Variants in UGT2A1 observed in about 807,000 individuals in gnomAD.
The protein encoded by UGT2A1 is UDP glucuronosyltransferase family 2 member A1 complex locus, also known as UDP-glucuronosyltransferase 2A1.
In UGT2A1, 61 loss-of-function variants were observed where a neutral mutation model predicts 45.4. The observed-to-expected ratio is 1.34, with a 90% CI of 1.09 to 1.66. The LOEUF is 1.66. Ranked by LOEUF, UGT2A1 falls within the 40% of genes most tolerant of loss-of-function variation. UGT2A1 has a pLI of 0.00. For missense variants in UGT2A1, 649 were observed against 574.3 expected, an observed-to-expected ratio of 1.13 and a Z score of -1.33; for synonymous variants, 229 against 196.2, an observed-to-expected ratio of 1.17 and a Z score of -1.40.
intron 2 of UGT2A1, chr4:69,639,776 A>C: frequency 1.2e-6 from 1 of 853,794 alleles, no homozygotes; most frequent in Non-Finnish European, 1.7e-6. Flanking sequence ...GGTAAATAAT[A>C]TAATTCAAAT....
At chr4:69,640,000 T>C (rs1164060638) in intron 2 of UGT2A1, among the ~76,000 whole-genome samples, 2 of 152,024 alleles carry the variant, frequency 1.3e-5, no homozygotes, top group African/African-American at 4.8e-5. Flanking sequence ...TTAGATTATA[T>C]GGATTATAGG....
intron 3 of UGT2A1, among the ~76,000 whole-genome samples, chr4:69,610,108 A>C (rs756154999): frequency 6.6e-6 from 1 of 152,138 alleles, no homozygotes; most frequent in Non-Finnish European, 1.5e-5. Context: ...AAAACTTTAC[A>C]CTCATGTATT....
chr4:69,608,319 G>C (rs1719796396), intron 3 of UGT2A1, among the ~76,000 whole-genome samples: 1 of 133,940 alleles, frequency 7.5e-6, no homozygotes, highest in African/African-American at 3.0e-5. Flanking sequence ...CTATCTCAAG[G>C]ACAAAAAAAC....
Position 69,602,995 on chromosome 4 carries a change from A to C in UGT2A1, c.848-3601T>G, listed in dbSNP as rs1192531327. Among the ~76,000 whole-genome samples the C allele has an allele frequency of 2.2e-5, 3 of 135,368 alleles. 1 individual carries two copies. The highest frequency in any genetic ancestry group is 1.5e-4 in the Admixed American group (2 of 13,662). 88.8% of individuals were successfully genotyped at this position (135,368 alleles called of 152,430 possible). A position where few individuals can be genotyped will look rare whatever the true frequency, so the allele number is the denominator to read the frequency against. On this transcript the variant is annotated intron_variant, in intron 3 of 6. Coordinates refer to ENST00000286604, the MANE Select transcript of UGT2A1 (RefSeq NM_001252275.3). ...AGGCAGAGAATTGCTTGAACCCGGG[A>C]GGAGGAGGTTGCAGTGAGCCAAGAT...
intron 2 of UGT2A1, among the ~76,000 whole-genome samples, chr4:69,637,158 GA>G (rs972155079): frequency 2.6e-5 from 4 of 151,716 alleles, no homozygotes; most frequent in African/African-American, 9.7e-5. Flanking sequence ...TTGAAAGCCA[GA>G]AAAAAAGAAA....
intron 3 of UGT2A1, among the ~76,000 whole-genome samples, chr4:69,629,970 C>G (rs1721295540): frequency 6.6e-6 from 1 of 151,790 alleles, no homozygotes; most frequent in African/African-American, 2.4e-5. Context: ...ATATTTTTTC[C>G]TTAATCTTGA....
At chr4:69,599,685 G>T in intron 3 of UGT2A1, 1 of 254,124 alleles carries the variant, frequency 3.9e-6, no homozygotes, top group Non-Finnish European at 7.2e-6. Context: ...GAAAGAGGTA[G>T]AAATAAAGAA....
intron 6 of UGT2A1, 75 bp from the exon 7 acceptor site, chr4:69,589,726 C>A: frequency 6.5e-7 from 1 of 1,528,246 alleles, no homozygotes; most frequent in South Asian, 1.3e-5. Flanking sequence ...ATGTGATACA[C>A]TTTTGCTCTA....
chr4:69,625,287 T>G (rs1720987836), intron 3 of UGT2A1, among the ~76,000 whole-genome samples: 1 of 151,044 alleles, frequency 6.6e-6, no homozygotes, highest in Non-Finnish European at 1.5e-5. Flanking sequence ...TTCTTTTTAC[T>G]TGGTTAATTG....
intron 3 of UGT2A1, among the ~76,000 whole-genome samples, chr4:69,629,270 C>T (rs1408041776): frequency 2.0e-5 from 3 of 152,094 alleles, no homozygotes; most frequent in African/African-American, 7.2e-5. Context: ...GAATAGCGTT[C>T]ATTCAGGAGG....
intron 3 of UGT2A1, among the ~76,000 whole-genome samples, chr4:69,621,840 T>TG (rs1274742562): frequency 6.6e-6 from 1 of 151,918 alleles, no homozygotes; most frequent in African/African-American, 2.4e-5. Context: ...AAAGAGAACA[T>TG]GTTTTTTGCA....
At chr4:69,640,095 A>T (rs938832025) in intron 2 of UGT2A1, among the ~76,000 whole-genome samples, 2 of 151,922 alleles carry the variant, frequency 1.3e-5, no homozygotes, top group African/African-American at 4.8e-5. Flanking sequence ...TGTTACAGGG[A>T]ATTTTTCAGT....
At chr4:69,636,229 C>A (rs1209374246) in intron 2 of UGT2A1, among the ~76,000 whole-genome samples, 1 of 152,114 alleles carries the variant, frequency 6.6e-6, no homozygotes, top group Non-Finnish European at 1.5e-5. Flanking sequence ...AATGGAAACG[C>A]CACAAAAATT....
At chr4:69,603,492 C>A (rs1316931902) in intron 3 of UGT2A1, 1 of 136,410 alleles carries the variant, frequency 7.3e-6, no homozygotes, top group East Asian at 2.1e-4. Flanking sequence ...AAACTGGAAA[C>A]TCTAAAAATC....
chr4:69,652,369 C>T (rs1298122408), intron 1 of UGT2A1, among the ~76,000 whole-genome samples: 1 of 149,024 alleles, frequency 6.7e-6, no homozygotes, highest in African/African-American at 2.5e-5. Flanking sequence ...CTGCAACCTC[C>T]ATTTCCCGGG....
At chr4:69,619,090 A>G (rs1720589205) in intron 3 of UGT2A1, among the ~76,000 whole-genome samples, 1 of 151,966 alleles carries the variant, frequency 6.6e-6, no homozygotes, top group Non-Finnish European at 1.5e-5. Context: ...GTTTATCAAT[A>G]TTGATAGATA....
intron 1 of UGT2A1, among the ~76,000 whole-genome samples, chr4:69,649,347 C>G (rs777907748): frequency 6.6e-6 from 1 of 151,964 alleles, no homozygotes; most frequent in African/African-American, 2.4e-5. Context: ...AAAATTTTTG[C>G]CTTTCTGGTG....
At chr4:69,648,737 T>G (rs770703290) in intron 1 of UGT2A1, among the ~76,000 whole-genome samples, 1 of 151,974 alleles carries the variant, frequency 6.6e-6, no homozygotes, top group Non-Finnish European at 1.5e-5. Context: ...ACTTGAGTGA[T>G]GGGTATACTA....
intron 4 of UGT2A1, chr4:69,596,381 C>G: frequency 6.3e-7 from 1 of 1,586,512 alleles, no homozygotes; most frequent in South Asian, 1.2e-5. Flanking sequence ...TCTTCCATTT[C>G]CTGCATACAT....
Sources: allele counts gnomAD v4.1 joint callset (sites outside exome capture counted in the v4.1 genomes callset), GRCh38; gene constraint gnomAD v4.1.1; transcripts MANE v1.5; gene names NCBI Gene and HGNC (gene_info 2026-07-23, HGNC 2026-07-21).